RGP1: variants seen among roughly 807,000 people sequenced by gnomAD.
The protein encoded by RGP1 is RAB6A-GEF complex partner protein 2.
RGP1 carries 28 observed loss-of-function variants against 44.5 expected under a neutral mutation model. The ratio of observed to expected loss-of-function variants is 0.63; its 90% CI spans 0.47 to 0.86. The LOEUF (loss-of-function observed/expected upper bound fraction) is 0.86, where lower values mean the gene tolerates loss of function less well. Among genes scored for constraint, RGP1 ranks in the 40% least tolerant of loss-of-function variants. The probability of loss-of-function intolerance (pLI) is 0.00; values close to 1 mark genes in which losing one functional copy is unlikely to be tolerated. For synonymous variants in RGP1, 212 were observed against 196.7 expected, an observed-to-expected ratio of 1.08 and a Z score of -0.65; for missense variants, 417 against 490.7, an observed-to-expected ratio of 0.85 and a Z score of 1.42.
At chr9:35,752,525 C>A in intron 8 of RGP1, 126 bp from the exon 9 acceptor site, 1 of 840,372 alleles carries the variant, frequency 1.2e-6, no homozygotes, top group Non-Finnish European at 1.9e-6. Flanking sequence ...CAGCTCCCTG[C>A]CCTGTGACTT....
Position 35,749,312 on chromosome 9 carries a change from C to T in RGP1, c.-116C>T, listed in dbSNP as rs950819571. On this transcript the variant is annotated 5_prime_UTR_variant, in exon 1 of 9. In the 5' UTR this introduces an upstream ATG that the reference lacks. Coordinates refer to ENST00000378078, the MANE Select transcript of RGP1 (RefSeq NM_001080496.3). This position sits in a 1 kb window ranked among gnomAD's most constrained non-coding sequence, Gnocchi z 4.4. ...AGTCCCGCCTCTACCGCCCAGCGGA[C>T]GCCGCCGCCGCCGCCGCCGCCGCGT... 6.5e-5 allele frequency: 32 copies of T among 490,712 alleles called. No homozygotes were observed. Among genetic ancestry groups the T allele is most frequent in the Non-Finnish European group, 1.2e-4 (30 of 240,850 alleles). 30.4% of individuals were successfully genotyped at this position (490,712 alleles called of 1,614,324 possible).
At chr9:35,781,983 G>GTTTTTT in the RGP1 span, among the ~76,000 whole-genome samples, 2 of 90,658 alleles carry the variant, frequency 2.2e-5, no homozygotes, top group South Asian at 4.2e-4. Context: ...TATTTCTCTC[G>GTTTTTT]TTTTTTTTTT....
the RGP1 span, among the ~76,000 whole-genome samples, chr9:35,776,470 A>T: frequency 6.6e-6 from 1 of 151,872 alleles, no homozygotes; most frequent in South Asian, 2.1e-4. Context: ...TATTTTCAGT[A>T]GAGACAGGGT....
chr9:35,752,809 C>A lies in RGP1; in HGVS notation c.1111C>A (p.Pro371Thr), dbSNP rs755824578. 10 of 1,613,854 alleles carry A rather than the reference C, an allele frequency of 6.2e-6. No individual in the cohort carries two copies. The highest frequency in any genetic ancestry group is 8.5e-6 in the Non-Finnish European group (10 of 1,179,834). Residue 371 changes from proline (P) to threonine (T), a missense_variant, in exon 9 of 9, where the codon CCT becomes ACT. By Grantham distance (38) the Pro-to-Thr change is conservative. Coordinates refer to ENST00000378078, the MANE Select transcript of RGP1 (RefSeq NM_001080496.3). ...FSWDLPIKVL[P>T]TSPTLASYAA... ...CTGGGACCTGCCCATCAAGGTGCTG[C>A]CTACTAGCCCCACCCTGGCCTCATA...
Position 35,753,674 on chromosome 9 carries a change from CA to C in RGP1, c.*801del. On this transcript the variant is annotated 3_prime_UTR_variant, in exon 9 of 9. Transcript: ENST00000378078. The surrounding 1 kb of genome is among the most constrained non-coding windows in gnomAD (Gnocchi z 4.2). ...TGGTCACTCACGTGTCACAGCAGCC[CA>C]CGCCAACAGGATGCAGACAGGTGCA... 1 of 1,613,978 alleles carries C rather than the reference CA, an allele frequency of 6.2e-7. No individual in the cohort carries two copies. Among genetic ancestry groups the C allele is most frequent in the South Asian group, 1.1e-5 (1 of 91,056 alleles).
chr9:35,779,647 T>A, the RGP1 span, among the ~76,000 whole-genome samples: 1 of 152,218 alleles, frequency 6.6e-6, no homozygotes, highest in South Asian at 2.1e-4. Context: ...GTTAAAGAGA[T>A]GGCTTGGATC....
At chr9:35,751,556 G>C (rs1201216374) in intron 6 of RGP1, 71 bp from the exon 7 acceptor site, 1 of 1,605,208 alleles carries the variant, frequency 6.2e-7, no homozygotes, top group African/African-American at 1.3e-5. Context: ...CCATCTTTTG[G>C]CCTGTGGTGC....
downstream of RGP1, among the ~76,000 whole-genome samples, chr9:35,759,433 G>A (rs1340458496): frequency 4.6e-5 from 7 of 151,448 alleles, no homozygotes; most frequent in African/African-American, 9.7e-5. Flanking sequence ...GTGGTGGCGC[G>A]TTCCTGTAAT....
chr9:35,751,614 C>T lies in RGP1; in HGVS notation c.635-13C>T, dbSNP rs1455952203. The T allele has an allele frequency of 1.9e-6, 3 of 1,613,908 alleles. No homozygotes were observed. Among genetic ancestry groups the T allele is most frequent in the Non-Finnish European group, 2.5e-6 (3 of 1,179,846 alleles). ...ATGTAGACTCCAGGCTTATAGTGTC[C>T]TATTCTCCCCAGATCTATACAATAT... On this transcript the variant is annotated splice_polypyrimidine_tract_variant and intron_variant, in intron 6 of 8. Coordinates refer to ENST00000378078, the MANE Select transcript of RGP1 (RefSeq NM_001080496.3).
Position 35,752,637 on chromosome 9 carries a change from T to C in RGP1, c.953-14T>C. On this transcript the variant is annotated splice_polypyrimidine_tract_variant and intron_variant, in intron 8 of 8. Transcript: ENST00000378078. ...AGCTTCTGATGCTTCTACCTTAATC[T>C]TTTTCTTCCATAGTGTCCTTGAAGT... 6.3e-7 allele frequency: 1 copy of C among 1,593,558 alleles called. No homozygotes were observed. Among genetic ancestry groups the C allele is most frequent in the Non-Finnish European group, 8.6e-7 (1 of 1,167,456 alleles).
Position 35,749,551 on chromosome 9 carries a change from C to A in RGP1, c.-20+143C>A, listed in dbSNP as rs1424603283. ...GGGGTCTAGGGCCCAGAGCGATGTC[C>A]TCCCCCTGGGCAGTACTGAGTCTTC... is the stretch of plus-strand genomic sequence containing the variant. On this transcript the variant is annotated intron_variant, in intron 1 of 8. Coordinates refer to ENST00000378078, the MANE Select transcript of RGP1 (RefSeq NM_001080496.3). The surrounding 1 kb of genome is among the most constrained non-coding windows in gnomAD (Gnocchi z 4.4). 1.5e-6 allele frequency: 1 copy of A among 681,052 alleles called. No homozygotes were observed. Among genetic ancestry groups the A allele is most frequent in the African/African-American group, 1.8e-5 (1 of 56,322 alleles). The allele number at this position is 681,052 out of a possible 1,614,324, so 42.2% of individuals were successfully genotyped here. A position where few individuals can be genotyped will look rare whatever the true frequency, so the allele number is the denominator to read the frequency against.
Position 35,753,926 on chromosome 9 carries a change from A to T in RGP1, c.*1052A>T. On this transcript the variant is annotated 3_prime_UTR_variant, in exon 9 of 9. Coordinates refer to ENST00000378078, the MANE Select transcript of RGP1 (RefSeq NM_001080496.3). The surrounding 1 kb of genome is among the most constrained non-coding windows in gnomAD (Gnocchi z 4.2). ...GGAAGCCTGGGTATTTTGACACGGG[A>T]TCATCTGTAAGGCCCCATCCTCCCT... The T allele has an allele frequency of 1.3e-6, 2 of 1,564,488 alleles. No individual in the cohort carries two copies. The highest frequency in any genetic ancestry group is 1.7e-4 in the Middle Eastern group (1 of 5,832).
chr9:35,781,983 GTTTTT>G, the RGP1 span, among the ~76,000 whole-genome samples: 1 of 90,654 alleles, frequency 1.1e-5, no homozygotes, highest in Non-Finnish European at 2.2e-5. Flanking sequence ...TATTTCTCTC[GTTTTT>G]TTTTTTTTTT....
In RGP1 at chr9:35,749,554, C is replaced by T. The variant is rs2132028966; in HGVS notation, c.-20+146C>T. The T allele has an allele frequency of 2.9e-6, 2 of 681,116 alleles. No homozygotes were observed. Among genetic ancestry groups the T allele is most frequent in the South Asian group, 1.5e-5 (1 of 64,746 alleles). The allele number at this position is 681,116 out of a possible 1,614,324, so 42.2% of individuals were successfully genotyped here. On this transcript the variant is annotated intron_variant, in intron 1 of 8. Coordinates refer to ENST00000378078, the MANE Select transcript of RGP1 (RefSeq NM_001080496.3). This position sits in a 1 kb window ranked among gnomAD's most constrained non-coding sequence, Gnocchi z 4.4. ...GTCTAGGGCCCAGAGCGATGTCCTC[C>T]CCCTGGGCAGTACTGAGTCTTCAGT...
At position 35,752,970 on chromosome 9, in the gene RGP1, G is replaced by A. The variant is rs1002918738; in HGVS notation, c.*96G>A. 122 of 1,523,828 alleles carry A rather than the reference G, an allele frequency of 8.0e-5. No homozygotes were observed. In the Middle Eastern group the frequency reaches 8.4e-4, roughly 11 times the overall value. 94.4% of individuals were successfully genotyped at this position (1,523,828 alleles called of 1,614,324 possible). A position where few individuals can be genotyped will look rare whatever the true frequency, so the allele number is the denominator to read the frequency against. ...CTTTTTCCACCTGGGGTCCAATGTC[G>A]TGGACAGTGAGAGTCGGGCTTTCAG... On this transcript the variant is annotated 3_prime_UTR_variant, in exon 9 of 9. Transcript: ENST00000378078.
In RGP1 at chr9:35,753,787, T is replaced by A; in HGVS notation, c.*913T>A. On this transcript the variant is annotated 3_prime_UTR_variant, in exon 9 of 9. Coordinates refer to ENST00000378078, the MANE Select transcript of RGP1 (RefSeq NM_001080496.3). This position sits in a 1 kb window ranked among gnomAD's most constrained non-coding sequence, Gnocchi z 4.2. Reference sequence around the variant, plus strand: ...CAGGGGGCTAGGGAAGAACGGGAAATGTTAGTAGGTGTAGGAGTGCTGATG... The same window carrying A: ...CAGGGGGCTAGGGAAGAACGGGAAAAGTTAGTAGGTGTAGGAGTGCTGATG... The A allele has an allele frequency of 6.2e-7, 1 of 1,606,278 alleles. No homozygotes were observed. The highest frequency in any genetic ancestry group is 8.5e-7 in the Non-Finnish European group (1 of 1,173,178).
downstream of RGP1, among the ~76,000 whole-genome samples, chr9:35,760,816 C>G (rs894797899): frequency 6.6e-6 from 1 of 152,220 alleles, no homozygotes; most frequent in African/African-American, 2.4e-5. Context: ...TCCTGGTGTT[C>G]CAGCTTTGCT....
the RGP1 span, among the ~76,000 whole-genome samples, chr9:35,789,077 G>A: frequency 2.6e-5 from 4 of 151,836 alleles, no homozygotes; most frequent in Non-Finnish European, 5.9e-5. Context: ...TCGCACAGTG[G>A]CGCGATCTCT....
chr9:35,783,261 T>C, the RGP1 span, among the ~76,000 whole-genome samples: 1 of 152,214 alleles, frequency 6.6e-6, no homozygotes, highest in East Asian at 1.9e-4. Flanking sequence ...GATACATGTA[T>C]AGTGTGTAAT....
Sources: gnomAD v4.1 joint callset for allele counts (sites outside exome capture counted in the v4.1 genomes callset) on GRCh38, gnomAD v4.1.1 for gene constraint, Gnocchi (gnomAD v3.1) non-coding constraint, MANE v1.5 for transcripts, NCBI Gene and HGNC (gene_info 2026-07-23, HGNC 2026-07-21) for gene names.